HPSE2: variants seen among roughly 807,000 people sequenced by gnomAD.
HPSE2 encodes inactive heparanase-2.
A neutral mutation model predicts 60.5 loss-of-function variants in HPSE2; 38 were observed. The observed-to-expected ratio is 0.63, with a 90% CI of 0.48 to 0.82. The LOEUF (loss-of-function observed/expected upper bound fraction) is 0.82. Among genes scored for constraint, HPSE2 ranks in the 40% least tolerant of loss-of-function variants. The probability of loss-of-function intolerance (pLI) is 0.00; values close to 1 mark genes in which losing one functional copy is unlikely to be tolerated. For missense variants in HPSE2, 713 were observed against 740.4 expected (o/e 0.96, Z 0.43); for synonymous variants, 295 against 293.2 (o/e 1.01, Z -0.06).
At chr10:99,012,365 T>C (rs2135403544) in intron 3 of HPSE2, among the ~76,000 whole-genome samples, 1 of 152,270 alleles carries the variant, frequency 6.6e-6, no homozygotes. Context: ...TGTTGAATTA[T>C]GTTTCCATCT....
intron 3 of HPSE2, among the ~76,000 whole-genome samples, chr10:99,094,485 C>T: frequency 8.3e-6 from 1 of 120,884 alleles, no homozygotes; most frequent in Non-Finnish European, 1.6e-5. Context: ...TGAATATTAA[C>T]ATTTCAGTTA....
chr10:98,677,882 A>T lies in HPSE2; in HGVS notation c.1004+16018T>A, dbSNP rs150904777. ...CCATTACCCTTGGAAATATTCATGA[A>T]TTTCCAATAGATGCTATTATTAGAG... On this transcript the variant is annotated intron_variant, in intron 6 of 11. Transcript: ENST00000370552. 5.8e-3 allele frequency among the ~76,000 whole-genome samples: 886 copies of T among 152,286 alleles called. 4 individuals are homozygous for T. Among genetic ancestry groups the T allele is most frequent in the African/African-American group, 0.02 (838 of 41,560 alleles).
intron 9 of HPSE2, among the ~76,000 whole-genome samples, chr10:98,512,731 A>AAGG (rs1942454380): frequency 6.7e-6 from 1 of 149,794 alleles, no homozygotes; most frequent in East Asian, 2.0e-4. Context: ...GTTTTCTCCC[A>AAGG]CCCTTCAAGG....
chr10:99,230,802 T>C (rs1849618891), intron 2 of HPSE2, among the ~76,000 whole-genome samples: 1 of 152,124 alleles, frequency 6.6e-6, no homozygotes, highest in Non-Finnish European at 1.5e-5. Flanking sequence ...AAAGAGGAAG[T>C]AGTTCAAATG....
At chr10:98,905,228 T>C (rs1220191460) in intron 3 of HPSE2, among the ~76,000 whole-genome samples, 1 of 151,978 alleles carries the variant, frequency 6.6e-6, no homozygotes, top group East Asian at 1.9e-4. Context: ...GTTACATATG[T>C]ATACATGTGC....
At chr10:98,904,302 A>G (rs1029445810) in intron 3 of HPSE2, among the ~76,000 whole-genome samples, 3 of 152,132 alleles carry the variant, frequency 2.0e-5, no homozygotes, top group Non-Finnish European at 4.4e-5. Flanking sequence ...TTGAAATGTA[A>G]TGAAGAAGAT....
At chr10:98,715,241 T>C (rs1289710791) in intron 5 of HPSE2, among the ~76,000 whole-genome samples, 4 of 151,964 alleles carry the variant, frequency 2.6e-5, no homozygotes, top group African/African-American at 9.7e-5. Context: ...TTTAGTGTTG[T>C]ATCTAAGAAA....
At chr10:99,240,737 T>C (rs1315208586), upstream of HPSE2, among the ~76,000 whole-genome samples, 2 of 152,168 alleles carry the variant, frequency 1.3e-5, no homozygotes, top group East Asian at 3.9e-4. Flanking sequence ...TGACTTTTCC[T>C]ATGCCTTTTT....
chr10:98,478,931 G>A (rs1002364425), intron 11 of HPSE2, among the ~76,000 whole-genome samples: 5 of 152,240 alleles, frequency 3.3e-5, no homozygotes, highest in African/African-American at 7.2e-5. Context: ...GGGGTCTTAC[G>A]ATTGGTTCAT....
chr10:98,638,317 C>T (rs568006305), intron 7 of HPSE2, among the ~76,000 whole-genome samples: 7 of 148,504 alleles, frequency 4.7e-5, no homozygotes, highest in Middle Eastern at 3.8e-3. Context: ...TGGTGGCGGG[C>T]GCCTGTAGTC....
intron 7 of HPSE2, among the ~76,000 whole-genome samples, chr10:98,637,750 A>G (rs1946534085): frequency 6.6e-6 from 1 of 152,186 alleles, no homozygotes. Flanking sequence ...CTGTGGGCCT[A>G]ATGGGGTCCT....
chr10:98,482,416 T>G (rs758665427), intron 11 of HPSE2, among the ~76,000 whole-genome samples: 1 of 152,182 alleles, frequency 6.6e-6, no homozygotes, highest in Non-Finnish European at 1.5e-5. Flanking sequence ...AGAAATACTT[T>G]CTCCACCATT....
intron 2 of HPSE2, among the ~76,000 whole-genome samples, chr10:99,212,359 C>A (rs993693176): frequency 6.6e-6 from 1 of 152,058 alleles, no homozygotes; most frequent in Non-Finnish European, 1.5e-5. Flanking sequence ...AGCTGCACTT[C>A]CATGTTCACT....
At chr10:99,014,797 C>A (rs947775599) in intron 3 of HPSE2, among the ~76,000 whole-genome samples, 1 of 151,974 alleles carries the variant, frequency 6.6e-6, no homozygotes, top group African/African-American at 2.4e-5. Context: ...AAAGCAATGG[C>A]AACAAAAGAC....
intron 3 of HPSE2, among the ~76,000 whole-genome samples, chr10:99,000,074 A>C (rs116087757): frequency 6.6e-6 from 1 of 152,144 alleles, no homozygotes; most frequent in Non-Finnish European, 1.5e-5. Context: ...TGCAGTAGAC[A>C]CTAATTAGTA....
At chr10:99,054,361 AAC>A (rs1958061366) in intron 3 of HPSE2, among the ~76,000 whole-genome samples, 3 of 152,166 alleles carry the variant, frequency 2.0e-5, no homozygotes, top group African/African-American at 4.8e-5. Flanking sequence ...TAACTTTAAT[AAC>A]ACTGCTGGCA....
intron 9 of HPSE2, among the ~76,000 whole-genome samples, chr10:98,590,032 T>C (rs374891904): frequency 2.2e-4 from 34 of 152,366 alleles, no homozygotes; most frequent in African/African-American, 6.7e-4. Context: ...GAAAGTCAGC[T>C]GTTGGGTCCA....
chr10:98,624,181 T>C (rs958462687), intron 7 of HPSE2, among the ~76,000 whole-genome samples: 1 of 142,432 alleles, frequency 7.0e-6, no homozygotes, highest in East Asian at 2.1e-4. Flanking sequence ...AATAAACAAG[T>C]AAACAAATAA....
chr10:98,947,095 C>G (rs1189747829), intron 3 of HPSE2, among the ~76,000 whole-genome samples: 1 of 151,968 alleles, frequency 6.6e-6, no homozygotes, highest in Non-Finnish European at 1.5e-5. Context: ...ACACATACCA[C>G]CGATTGAGGT....
Sources: allele counts gnomAD v4.1 joint callset (sites outside exome capture counted in the v4.1 genomes callset), GRCh38; gene constraint gnomAD v4.1.1; transcripts MANE v1.5; gene names NCBI Gene and HGNC (gene_info 2026-07-23, HGNC 2026-07-21).